The following LMOD1 variants were observed in gnomAD, a reference collection of about 807,000 sequenced individuals.
The protein encoded by LMOD1 is leiomodin-1.
A neutral mutation model predicts 36.5 loss-of-function variants in LMOD1; 8 were observed. The ratio of observed to expected loss-of-function variants is 0.22; its 90% CI spans 0.13 to 0.40. The LOEUF (loss-of-function observed/expected upper bound fraction) is 0.40. Among genes scored for constraint, LMOD1 ranks in the 10% least tolerant of loss-of-function variants. LMOD1 has a pLI of 1.00. For synonymous variants in LMOD1, 284 were observed against 288.7 expected (o/e 0.98, Z 0.17); for missense variants, 630 against 751.1 (o/e 0.84, Z 1.88).
intron 1 of LMOD1, among the ~76,000 whole-genome samples, chr1:201,923,339 A>G (rs1280023929): frequency 6.6e-6 from 1 of 152,168 alleles, no homozygotes; most frequent in African/African-American, 2.4e-5. Context: ...TGCATCTCCC[A>G]TTCAGATGGA....
rs764942548 is a variant in LMOD1, at chr1:201,899,256, T to C, written c.1757A>G (p.Asn586Ser). The change falls in exon 2 of 3, where the codon AAC (asparagine) becomes AGC (serine). Residue 586 changes from asparagine to serine, a missense_variant. Transcript: ENST00000367288. The surrounding 1 kb of genome is among the most constrained non-coding windows in gnomAD (Gnocchi z 6.3). ...ACTTAACTTCTTGAGCTGCTTGAGG[T>C]TGCTGGAGCGGATGGCAGCCAATAG... is the stretch of plus-strand genomic sequence containing the variant. ...DQLLAAIRSS[N>S]LKQLKKVEVP... 4.4e-6 allele frequency: 7 copies of C among 1,596,448 alleles called. No homozygotes were observed. Among genetic ancestry groups the C allele is most frequent in the Non-Finnish European group, 6.0e-6 (7 of 1,169,356 alleles).
chr1:201,905,057 G>A (rs766186354), intron 1 of LMOD1, among the ~76,000 whole-genome samples: 1 of 152,246 alleles, frequency 6.6e-6, no homozygotes, highest in African/African-American at 2.4e-5. Flanking sequence ...ATTTAGGTTA[G>A]ATATAACAAA....
At chr1:201,925,850 G>A (rs982493286) in intron 1 of LMOD1, among the ~76,000 whole-genome samples, 6 of 151,800 alleles carry the variant, frequency 4.0e-5, no homozygotes, top group African/African-American at 7.3e-5. Flanking sequence ...AACCACAGGC[G>A]TGCACCACCA....
chr1:201,915,689 A>G (rs1395932888), intron 1 of LMOD1, among the ~76,000 whole-genome samples: 1 of 151,974 alleles, frequency 6.6e-6, no homozygotes, highest in Non-Finnish European at 1.5e-5. Context: ...GACCTATTAT[A>G]TACTCCCTCG....
intron 1 of LMOD1, among the ~76,000 whole-genome samples, chr1:201,935,275 C>G (rs1393313219): frequency 6.6e-6 from 1 of 150,476 alleles, no homozygotes; most frequent in Admixed American, 6.6e-5. Context: ...AGGGAAGAGT[C>G]GGGGTGATCC....
At chr1:201,907,296 A>T (rs1681427491) in intron 1 of LMOD1, among the ~76,000 whole-genome samples, 1 of 152,130 alleles carries the variant, frequency 6.6e-6, no homozygotes, top group Admixed American at 6.6e-5. Flanking sequence ...CCCTCTGGGG[A>T]TCCTCACTGG....
chr1:201,900,764 A>G lies in LMOD1; in HGVS notation c.262-13T>C. The G allele has an allele frequency of 6.4e-7, 1 of 1,567,348 alleles. No homozygotes were observed. Among genetic ancestry groups the G allele is most frequent in the Non-Finnish European group, 8.6e-7 (1 of 1,160,030 alleles). ...CTTGCTTGCTTTCCTAAGAATTCAGAAAAGAAAAATAATCATGAAAAGCTG... is the reference window on the plus strand; with the variant it reads ...CTTGCTTGCTTTCCTAAGAATTCAGGAAAGAAAAATAATCATGAAAAGCTG... On this transcript the variant is annotated splice_polypyrimidine_tract_variant and intron_variant, in intron 1 of 2. Transcript: ENST00000367288.
intron 1 of LMOD1, among the ~76,000 whole-genome samples, chr1:201,944,139 T>A (rs1474694973): frequency 6.6e-6 from 1 of 152,184 alleles, no homozygotes; most frequent in Non-Finnish European, 1.5e-5. Context: ...CCTAAAGGCA[T>A]CTCCTTACAT....
At chr1:201,927,765 A>G (rs1211633377) in intron 1 of LMOD1, among the ~76,000 whole-genome samples, 1 of 152,178 alleles carries the variant, frequency 6.6e-6, no homozygotes, top group Non-Finnish European at 1.5e-5. Flanking sequence ...GACAACTGGA[A>G]TTTCAGAAGA....
chr1:201,925,359 A>G (rs1398724866), intron 1 of LMOD1, among the ~76,000 whole-genome samples: 3 of 152,190 alleles, frequency 2.0e-5, no homozygotes, highest in African/African-American at 7.2e-5. Flanking sequence ...GAGATAACGT[A>G]TGTGGAAGCC....
rs571543914 is a variant in LMOD1 at position 201,899,524 on chromosome 1, C to T, written c.1489G>A (p.Glu497Lys). The part of the protein sequence containing the change: ...EAKGEKKDLL[E>K]VPKAGAVAKG... ...GCCACGGCCCCGGCCTTGGGTACCT[C>T]CAGCAGATCCTTCTTCTCTCCCTTG... Residue 497 changes from glutamate (E) to lysine (K), a missense_variant, in exon 2 of 3, where the codon GAG (glutamate) becomes AAG (lysine). Physicochemically the swap from Glu to Lys is moderately conservative, Grantham distance 56 (BLOSUM62 1). Transcript: ENST00000367288. The surrounding 1 kb of genome is among the most constrained non-coding windows in gnomAD (Gnocchi z 6.3). 6.2e-7 allele frequency: 1 copy of T among 1,613,964 alleles called. No homozygotes were observed. Among genetic ancestry groups the T allele is most frequent in the East Asian group, 2.2e-5 (1 of 44,866 alleles).
chr1:201,906,784 C>G (rs1021840412), intron 1 of LMOD1, among the ~76,000 whole-genome samples: 9 of 152,206 alleles, frequency 5.9e-5, no homozygotes, highest in African/African-American at 1.9e-4. Flanking sequence ...AATCCTGTCA[C>G]TTTGGGAGGC....
chr1:201,929,030 AT>A (rs1681874085), intron 1 of LMOD1, among the ~76,000 whole-genome samples: 1 of 152,016 alleles, frequency 6.6e-6, no homozygotes, highest in African/African-American at 2.4e-5. Flanking sequence ...CAAAAATATA[AT>A]TAATATTTTC....
chr1:201,905,854 G>A (rs1681401704), intron 1 of LMOD1, among the ~76,000 whole-genome samples: 1 of 152,250 alleles, frequency 6.6e-6, no homozygotes, highest in Non-Finnish European at 1.5e-5. Context: ...GAGCCAAGGA[G>A]GGCAGGGCTG....
Position 201,898,143 on chromosome 1 carries a change from A to G in LMOD1, c.*229T>C. 1.7e-6 allele frequency: 1 copy of G among 585,504 alleles called. No homozygotes were observed. The highest frequency in any genetic ancestry group is 3.1e-6 in the Non-Finnish European group (1 of 324,772). The allele number at this position is 585,504 out of a possible 1,614,324, so 36.3% of individuals were successfully genotyped here. ...AGGACTCTTCTTGTCCAGAAACCTG[A>G]GCTCCATGTACTAAAGCAAAATTTG... On this transcript the variant is annotated 3_prime_UTR_variant, in exon 3 of 3. Transcript: ENST00000367288.
intron 2 of LMOD1, among the ~76,000 whole-genome samples, chr1:201,898,696 T>G (rs893921576): frequency 6.6e-6 from 1 of 152,160 alleles, no homozygotes; most frequent in Non-Finnish European, 1.5e-5. Flanking sequence ...AGGCCAGACT[T>G]CCAGGGGAGG....
chr1:201,934,535 C>T (rs1681982492), intron 1 of LMOD1, among the ~76,000 whole-genome samples: 2 of 152,156 alleles, frequency 1.3e-5, no homozygotes, highest in South Asian at 4.1e-4. Context: ...TATAATATTC[C>T]TTGTCTTTCA....
At chr1:201,901,873 A>G (rs1681332385) in intron 1 of LMOD1, among the ~76,000 whole-genome samples, 1 of 148,648 alleles carries the variant, frequency 6.7e-6, no homozygotes, top group African/African-American at 2.5e-5. Flanking sequence ...TTTCCAAAGG[A>G]AAAAAAGGTA....
intron 1 of LMOD1, among the ~76,000 whole-genome samples, chr1:201,917,858 G>C (rs1175785638): frequency 6.6e-6 from 1 of 152,212 alleles, no homozygotes; most frequent in Non-Finnish European, 1.5e-5. Flanking sequence ...GGGGCTGTGA[G>C]CAGGAGGCCT....
Sources: allele counts gnomAD v4.1 joint callset (sites outside exome capture counted in the v4.1 genomes callset), GRCh38; gene constraint gnomAD v4.1.1; non-coding constraint Gnocchi (gnomAD v3.1); transcripts MANE v1.5; gene names NCBI Gene and HGNC (gene_info 2026-07-23, HGNC 2026-07-21).